LYRM4: variants seen among roughly 807,000 people sequenced by gnomAD.
LYRM4 encodes the protein LYR motif containing 4, also known as LYR motif-containing protein 4.
In LYRM4, 9 loss-of-function variants were observed where a neutral mutation model predicts 11.7. The observed-to-expected ratio is 0.77, with a 90% confidence interval of 0.46 to 1.34. LYRM4 has a LOEUF of 1.34. Among genes scored for constraint, LYRM4 ranks in the 40% most tolerant of loss-of-function variants. The pLI, the probability that LYRM4 is intolerant of heterozygous loss-of-function variation, is 0.00. For synonymous variants in LYRM4, 42 were observed against 40.4 expected, an observed-to-expected ratio of 1.04 and a Z score of -0.15; for missense variants, 133 against 112.5, an observed-to-expected ratio of 1.18 and a Z score of -0.82.
chr6:5,074,321 CA>C, the LYRM4 span, among the ~76,000 whole-genome samples: 1 of 146,428 alleles, frequency 6.8e-6, no homozygotes, highest in African/African-American at 2.5e-5. Flanking sequence ...AGAAAAATGG[CA>C]AAAAGTTGGT....
rs768722634 is a variant in LYRM4 at position 5,216,609 on chromosome 6, C to G, written c.207+9G>C. 1.9e-6 allele frequency: 3 copies of G among 1,613,810 alleles called. No homozygotes were observed. Among genetic ancestry groups the G allele is most frequent in the Non-Finnish European group, 2.5e-6 (3 of 1,179,938 alleles). On this transcript the variant is annotated intron_variant, in intron 2 of 2. Transcript: ENST00000330636. The stretch of plus-strand genomic sequence containing the variant: ...TAATGAAAAACAGTACATCATTGAA[C>G]CATCTTACCTGTCGACGAATTACTC...
At chr6:5,253,559 C>T (rs557743581) in intron 1 of LYRM4, among the ~76,000 whole-genome samples, 3 of 152,156 alleles carry the variant, frequency 2.0e-5, no homozygotes, top group Admixed American at 6.5e-5. Context: ...CGACAACTTG[C>T]GACAACTCAT....
intron 2 of LYRM4, among the ~76,000 whole-genome samples, chr6:5,192,141 A>G (rs1163463488): frequency 6.6e-6 from 1 of 152,224 alleles, no homozygotes; most frequent in Non-Finnish European, 1.5e-5. Context: ...CAGTGGGCTT[A>G]TAATCCACCT....
chr6:5,037,618 G>A, the LYRM4 span, among the ~76,000 whole-genome samples: 45 of 73,944 alleles, frequency 6.1e-4, no homozygotes, highest in Middle Eastern at 0.018. Context: ...TCCCGGACGG[G>A]GCGGCTGGCC....
chr6:5,043,682 A>AC, the LYRM4 span, among the ~76,000 whole-genome samples: 17 of 151,612 alleles, frequency 1.1e-4, no homozygotes, highest in African/African-American at 4.1e-4. Flanking sequence ...CCTCTGTGCC[A>AC]CCCCCCATTC....
At chr6:5,217,106 T>C (rs1212199298) in intron 1 of LYRM4, among the ~76,000 whole-genome samples, 1 of 152,240 alleles carries the variant, frequency 6.6e-6, no homozygotes, top group Non-Finnish European at 1.5e-5. Flanking sequence ...TGAACCATGA[T>C]GGTGCTACTG....
At chr6:5,072,576 GTTTTT>G in the LYRM4 span, among the ~76,000 whole-genome samples, 1 of 131,698 alleles carries the variant, frequency 7.6e-6, no homozygotes, top group Admixed American at 7.7e-5. Flanking sequence ...TCACATCAAA[GTTTTT>G]TTTTTTTTTT....
chr6:5,188,197 C>T (rs1561857955), intron 2 of LYRM4, among the ~76,000 whole-genome samples: 1 of 151,966 alleles, frequency 6.6e-6, no homozygotes, highest in Non-Finnish European at 1.5e-5. Flanking sequence ...CAAAAACAAA[C>T]AAATGAACAA....
At chr6:5,085,003 T>C in the LYRM4 span, 1 of 160,070 alleles carries the variant, frequency 6.2e-6, no homozygotes, top group African/African-American at 2.4e-5. Context: ...GAAGACTTTG[T>C]GCACGTGGGG....
chr6:5,210,364 C>T (rs993973589), intron 2 of LYRM4, among the ~76,000 whole-genome samples: 6 of 151,916 alleles, frequency 3.9e-5, no homozygotes, highest in Non-Finnish European at 8.8e-5. Flanking sequence ...ACAGAGGGCT[C>T]GCGGGTGTAA....
At chr6:5,241,435 T>C (rs1228804216) in intron 1 of LYRM4, among the ~76,000 whole-genome samples, 1 of 152,232 alleles carries the variant, frequency 6.6e-6, no homozygotes, top group Non-Finnish European at 1.5e-5. Context: ...CGTAGGCAAG[T>C]ACAGACTTTA....
At chr6:5,080,609 G>A in the LYRM4 span, among the ~76,000 whole-genome samples, 1 of 152,144 alleles carries the variant, frequency 6.6e-6, no homozygotes, top group Non-Finnish European at 1.5e-5. Context: ...TGCAAGTGTG[G>A]CCTGGGAAAC....
intron 2 of LYRM4, among the ~76,000 whole-genome samples, chr6:5,200,525 G>A (rs1280097295): frequency 2.0e-5 from 3 of 152,244 alleles, no homozygotes; most frequent in Non-Finnish European, 2.9e-5. Flanking sequence ...TCTGAAAGTC[G>A]GTAAAAGTGC....
chr6:5,127,958 G>A (rs1026441629), intron 2 of LYRM4, among the ~76,000 whole-genome samples: 18 of 152,138 alleles, frequency 1.2e-4, no homozygotes, highest in African/African-American at 4.1e-4. Flanking sequence ...AAAAATAGTA[G>A]AGAGAGGGTC....
the LYRM4 span, among the ~76,000 whole-genome samples, chr6:5,039,599 C>T: frequency 1.3e-5 from 2 of 152,288 alleles, no homozygotes; most frequent in South Asian, 2.1e-4. Flanking sequence ...TCCCTGCTTT[C>T]TGATATTTTG....
At chr6:5,171,380 A>G (rs1759417597) in intron 2 of LYRM4, among the ~76,000 whole-genome samples, 2 of 152,202 alleles carry the variant, frequency 1.3e-5, no homozygotes, top group South Asian at 4.1e-4. Flanking sequence ...TATGTTTACA[A>G]CTGTGAATCA....
the LYRM4 span, among the ~76,000 whole-genome samples, chr6:5,037,611 C>G: frequency 1.3e-5 from 1 of 78,172 alleles, no homozygotes. Flanking sequence ...CCTCACCTCC[C>G]GGACGGGGCG....
At position 5,118,094 on chromosome 6, in the gene LYRM4, A is replaced by ATATATATATATTTT; in HGVS notation, c.208-8604_208-8603insAAAATATATATATA. On this transcript the variant is annotated intron_variant, in intron 2 of 2. Coordinates refer to ENST00000330636, the MANE Select transcript of LYRM4 (RefSeq NM_020408.6). Reference sequence around the variant, plus strand: ...TCACCAAAACAATATATATATATATATTTTTGTTTTGTTTTGTTTTGTTTT... The same window carrying ATATATATATATTTT: ...TCACCAAAACAATATATATATATATATATATATATATTTTTTTTTGTTTTGTTTTGTTTTGTTTT... Among the ~76,000 whole-genome samples the ATATATATATATTTT allele has an allele frequency of 1.8e-3, 154 of 86,074 alleles. 1 individual carries two copies. The highest frequency in any genetic ancestry group is 2.7e-3 in the Admixed American group (23 of 8,364). The allele number at this position is 86,074 out of a possible 152,430, so 56.5% of individuals were successfully genotyped here.
At chr6:5,160,882 T>C (rs1380997046) in intron 2 of LYRM4, among the ~76,000 whole-genome samples, 1 of 152,100 alleles carries the variant, frequency 6.6e-6, no homozygotes, top group Non-Finnish European at 1.5e-5. Context: ...TCCAAATATG[T>C]GATGGGGAGC....
Sources: gnomAD v4.1 joint callset for allele counts (sites outside exome capture counted in the v4.1 genomes callset) on GRCh38, gnomAD v4.1.1 for gene constraint, MANE v1.5 for transcripts, NCBI Gene and HGNC (gene_info 2026-07-23, HGNC 2026-07-21) for gene names.